Variants in CLSTN2 observed in about 807,000 individuals in gnomAD.
The protein encoded by CLSTN2 is calsyntenin-2.
A neutral mutation model predicts 101.2 loss-of-function variants in CLSTN2; 48 were observed. The observed-to-expected ratio is 0.47, with a 90% CI of 0.38 to 0.60. The LOEUF (loss-of-function observed/expected upper bound fraction) is 0.60. CLSTN2 is among the 20% of genes least tolerant of loss of function. The pLI is 0.00. For synonymous variants in CLSTN2, 481 were observed against 463.6 expected, an observed-to-expected ratio of 1.04 and a Z score of -0.48; for missense variants, 1,160 against 1,238.2, an observed-to-expected ratio of 0.94 and a Z score of 0.95.
intron 1 of CLSTN2, among the ~76,000 whole-genome samples, chr3:140,124,203 A>G (rs2009392739): frequency 6.6e-6 from 1 of 152,164 alleles, no homozygotes; most frequent in Non-Finnish European, 1.5e-5. Flanking sequence ...GAGTGTATTG[A>G]AAAATAGAAG....
intron 1 of CLSTN2, among the ~76,000 whole-genome samples, chr3:140,160,893 A>G (rs2010035862): frequency 6.6e-6 from 1 of 152,196 alleles, no homozygotes; most frequent in East Asian, 1.9e-4. Flanking sequence ...TGATTTTCAT[A>G]AAAGTACTAA....
At chr3:140,387,589 A>C (rs1353151803) in intron 2 of CLSTN2, among the ~76,000 whole-genome samples, 1 of 152,224 alleles carries the variant, frequency 6.6e-6, no homozygotes, top group African/African-American at 2.4e-5. Context: ...TTAAACCAGC[A>C]ATTTCAGAGC....
intron 1 of CLSTN2, among the ~76,000 whole-genome samples, chr3:139,971,242 G>A (rs955020528): frequency 2.6e-5 from 4 of 152,182 alleles, no homozygotes; most frequent in African/African-American, 9.7e-5. Context: ...GGGCTGGAGA[G>A]AAATTAGATG....
chr3:140,051,327 A>G (rs954868525), intron 1 of CLSTN2, among the ~76,000 whole-genome samples: 26 of 152,222 alleles, frequency 1.7e-4, no homozygotes, highest in African/African-American at 6.3e-4. Context: ...TAAATGAGAA[A>G]CAATCACACT....
intron 1 of CLSTN2, among the ~76,000 whole-genome samples, chr3:140,151,070 C>A (rs1428826984): frequency 6.6e-6 from 1 of 152,016 alleles, no homozygotes; most frequent in African/African-American, 2.4e-5. Context: ...TGGTGGCTGA[C>A]ATGGGTCTGA....
intron 2 of CLSTN2, among the ~76,000 whole-genome samples, chr3:140,220,813 A>T (rs974722961): frequency 7.2e-5 from 11 of 152,240 alleles, no homozygotes; most frequent in African/African-American, 2.4e-4. Flanking sequence ...TTTCATGCAG[A>T]GAAGGAAAGG....
chr3:140,107,673 A>G (rs368641104), intron 1 of CLSTN2, among the ~76,000 whole-genome samples: 5 of 152,166 alleles, frequency 3.3e-5, no homozygotes, highest in East Asian at 3.9e-4. Flanking sequence ...TGTGCAGTCC[A>G]TAAAGTCCAC....
At chr3:140,017,034 A>G (rs900889205) in intron 1 of CLSTN2, among the ~76,000 whole-genome samples, 1 of 152,212 alleles carries the variant, frequency 6.6e-6, no homozygotes, top group Non-Finnish European at 1.5e-5. Context: ...CTAGAATTGA[A>G]TATCAGGGAG....
chr3:139,967,820 C>T (rs1935627539), intron 1 of CLSTN2, among the ~76,000 whole-genome samples: 1 of 151,582 alleles, frequency 6.6e-6, no homozygotes, highest in African/African-American at 2.4e-5. Flanking sequence ...CATGGTTTTA[C>T]ACATCTACAC....
chr3:140,317,965 T>C (rs1384732414), intron 2 of CLSTN2, among the ~76,000 whole-genome samples: 1 of 152,206 alleles, frequency 6.6e-6, no homozygotes, highest in African/African-American at 2.4e-5. Flanking sequence ...TGCCCGCTGG[T>C]GTCATGCACC....
intron 2 of CLSTN2, among the ~76,000 whole-genome samples, chr3:140,317,573 G>A (rs1453563922): frequency 6.6e-6 from 1 of 152,146 alleles, no homozygotes; most frequent in Non-Finnish European, 1.5e-5. Context: ...AACCTCTCCA[G>A]ACTTTGTTTC....
At chr3:140,449,914 G>T (rs1211149692) in intron 6 of CLSTN2, 3 of 152,330 alleles carry the variant, frequency 2.0e-5, no homozygotes, top group African/African-American at 7.2e-5. Flanking sequence ...TGGGGTGAGG[G>T]TGACGGTAGA....
intron 2 of CLSTN2, among the ~76,000 whole-genome samples, chr3:140,400,540 A>T (rs1312357356): frequency 6.6e-6 from 1 of 152,106 alleles, no homozygotes; most frequent in Non-Finnish European, 1.5e-5. Context: ...TCTTTGCAAA[A>T]TAAAAAACTT....
intron 2 of CLSTN2, among the ~76,000 whole-genome samples, chr3:140,341,087 A>G (rs1331964462): frequency 6.6e-6 from 1 of 151,596 alleles, no homozygotes; most frequent in Non-Finnish European, 1.5e-5. Flanking sequence ...GCATAAAATT[A>G]CTCTCCCTGA....
At chr3:140,562,770 C>T (rs1298810855) in intron 13 of CLSTN2, 41 bp from the exon 14 acceptor site, 1 of 1,607,154 alleles carries the variant, frequency 6.2e-7, no homozygotes, top group Admixed American at 1.7e-5. Flanking sequence ...CTTCCTCCTC[C>T]TTTTCTGCCT....
At chr3:139,946,108 G>C (rs772468793) in intron 1 of CLSTN2, among the ~76,000 whole-genome samples, 35 of 152,314 alleles carry the variant, frequency 2.3e-4, no homozygotes, top group Non-Finnish European at 4.3e-4. Context: ...TGGAAGGGAG[G>C]AGAAATGAAA....
intron 1 of CLSTN2, among the ~76,000 whole-genome samples, chr3:140,049,714 G>T (rs1232689135): frequency 6.6e-6 from 1 of 152,196 alleles, no homozygotes; most frequent in Non-Finnish European, 1.5e-5. Context: ...ACTTAACAGG[G>T]TCATGGGAAG....
chr3:140,403,871 C>T (rs1484561306), intron 3 of CLSTN2, 47 bp downstream of exon 3: 9 of 1,430,044 alleles, frequency 6.3e-6, no homozygotes, highest in African/African-American at 1.4e-5. Flanking sequence ...CTCCCGTGCC[C>T]ACCCCACTTC....
chr3:139,995,732 C>G lies in CLSTN2; in HGVS notation c.109+60249C>G, dbSNP rs116048288. On this transcript the variant is annotated intron_variant, in intron 1 of 16. Transcript: ENST00000458420. ...AAGGGGCCGCAGATCTATCTGCCAT[C>G]TGTGCTCAGGGGTAAAGGGGGAGTG... Among the ~76,000 whole-genome samples the G allele has an allele frequency of 3.1e-3, 463 of 151,224 alleles. 2 individuals carry two copies. The highest frequency in any genetic ancestry group is 0.01 in the Middle Eastern group (3 of 292).
Sources: gnomAD v4.1 joint callset for allele counts (sites outside exome capture counted in the v4.1 genomes callset) on GRCh38, gnomAD v4.1.1 for gene constraint, MANE v1.5 for transcripts, NCBI Gene and HGNC (gene_info 2026-07-23, HGNC 2026-07-21) for gene names.